HSBP1: variants seen among roughly 807,000 people sequenced by gnomAD.
HSBP1 encodes heat shock factor-binding protein 1.
A neutral mutation model predicts 9.6 loss-of-function variants in HSBP1; 5 were observed. That is an observed-to-expected ratio of 0.52 (90% CI 0.27 to 1.09). HSBP1 has a LOEUF of 1.09. Among genes scored for constraint, HSBP1 ranks in the 50% least tolerant of loss-of-function variants. HSBP1 has a pLI of 0.11. For synonymous variants in HSBP1, 42 were observed against 33.3 expected (o/e 1.26, Z -0.90); for missense variants, 121 against 96.3 (o/e 1.26, Z -1.07).
rs185466168 is a variant in HSBP1 at position 83,812,027 on chromosome 16, G to T, written c.*609G>T. 4.4e-3 allele frequency: 672 copies of T among 152,784 alleles called. 4 individuals are homozygous for T. The highest frequency in any genetic ancestry group is 7.6e-3 in the Non-Finnish European group (519 of 68,028). The allele number at this position is 152,784 out of a possible 1,614,324, so 9.5% of individuals were successfully genotyped here. A position where few individuals can be genotyped will look rare whatever the true frequency, so the allele number is the denominator to read the frequency against. ...CCTGAGATCACATGCTAAAGTCGAT[G>T]AAAAGTAACCACTGCCACTGTCTTG... On this transcript the variant is annotated 3_prime_UTR_variant, in exon 4 of 4. Coordinates refer to ENST00000433866, the MANE Select transcript of HSBP1 (RefSeq NM_001537.4).
At chr16:83,809,469 T>TC in intron 3 of HSBP1, 44 bp downstream of exon 3, 1 of 924,572 alleles carries the variant, frequency 1.1e-6, no homozygotes, top group Non-Finnish European at 1.6e-6. Context: ...TTTCTTTTTT[T>TC]TTTTTTTTTT....
At position 83,817,602 on chromosome 16, in the gene HSBP1, C is replaced by T. The variant is rs1904751203; in HGVS notation, c.*6184C>T. 6.6e-6 allele frequency: 1 copy of T among 152,222 alleles called. No individual in the cohort carries two copies. Among genetic ancestry groups the T allele is most frequent in the Admixed American group, 6.5e-5 (1 of 15,286 alleles). The allele number at this position is 152,222 out of a possible 1,614,324, so 9.4% of individuals were successfully genotyped here. The stretch of plus-strand genomic sequence containing the variant: ...TAAACCATTGCTGTAGTTTTATTAC[C>T]TCTTACCTTGGTCTTTACAAGTTGC... On this transcript the variant is annotated 3_prime_UTR_variant, in exon 4 of 4. Transcript: ENST00000433866.
At chr16:83,808,236 G>A in intron 1 of HSBP1, 115 bp downstream of exon 1, 4 of 886,892 alleles carry the variant, frequency 4.5e-6, no homozygotes, top group Non-Finnish European at 1.7e-6. Flanking sequence ...CCGAGGCCCC[G>A]TTTCTGGAAG....
intron 1 of HSBP1, 188 bp downstream of exon 1, chr16:83,808,309 C>T: frequency 1.7e-6 from 1 of 575,414 alleles, no homozygotes. Context: ...GCCAGTCTCC[C>T]CGCGGGCGCC....
At chr16:83,808,608 C>A in intron 1 of HSBP1, 72 bp from the exon 2 acceptor site, 1 of 1,247,586 alleles carries the variant, frequency 8.0e-7, no homozygotes, top group Non-Finnish European at 1.2e-6. Flanking sequence ...GGGACCAGGG[C>A]TTGCGTCCTG....
At chr16:83,808,485 GCCTC>G (rs1597254017) in intron 1 of HSBP1, 191 bp from the exon 2 acceptor site, 2 of 583,960 alleles carry the variant, frequency 3.4e-6, no homozygotes, top group Non-Finnish European at 6.1e-6. Context: ...AGTCGCAGCG[GCCTC>G]CCCAGCCCAG....
chr16:83,809,130 G>C, intron 2 of HSBP1, 175 bp from the exon 3 acceptor site: 1 of 569,766 alleles, frequency 1.8e-6, no homozygotes, highest in South Asian at 2.3e-5. Flanking sequence ...GGAATCCGAT[G>C]CGGGGTAGCC....
chr16:83,815,382 C>G lies in HSBP1; in HGVS notation c.*3964C>G, dbSNP rs1597256574. On this transcript the variant is annotated 3_prime_UTR_variant, in exon 4 of 4. Coordinates refer to ENST00000433866, the MANE Select transcript of HSBP1 (RefSeq NM_001537.4). Reference sequence around the variant, plus strand: ...AAAATTAGCCCAGAGTGTGGTGGCACACATCTGTGCTCCCAGCTACTCAGG... The same window carrying G: ...AAAATTAGCCCAGAGTGTGGTGGCAGACATCTGTGCTCCCAGCTACTCAGG... The G allele has an allele frequency of 6.6e-6, 1 of 152,040 alleles. No individual in the cohort carries two copies. Among genetic ancestry groups the G allele is most frequent in the Non-Finnish European group, 1.5e-5 (1 of 68,040 alleles). 9.4% of individuals were successfully genotyped at this position (152,040 alleles called of 1,614,324 possible).
In HSBP1 at chr16:83,809,351, G is replaced by C. The variant is rs1435096428; in HGVS notation, c.159G>C (p.Ala53=). The change falls in exon 3 of 4, where the codon GCG becomes GCC. Residue 53 remains alanine (A), a synonymous_variant. Coordinates refer to ENST00000433866, the MANE Select transcript of HSBP1 (RefSeq NM_001537.4). ...TTGATGATCTGGAAAAGAATATCGCGGACCTCATGACACAGGCTGGGGTGG... is the reference window on the plus strand; with the variant it reads ...TTGATGATCTGGAAAAGAATATCGCCGACCTCATGACACAGGCTGGGGTGG... ...SRIDDLEKNI[A]DLMTQAGVEE... The C allele has an allele frequency of 6.2e-7, 1 of 1,603,680 alleles. No individual in the cohort carries two copies. The highest frequency in any genetic ancestry group is 8.5e-7 in the Non-Finnish European group (1 of 1,175,020).
chr16:83,810,909 C>T (rs1361379683), intron 3 of HSBP1, among the ~76,000 whole-genome samples: 1 of 152,186 alleles, frequency 6.6e-6, no homozygotes, highest in Non-Finnish European at 1.5e-5. Context: ...TCTGGGCTTG[C>T]TGTGGACCAC....
Position 83,815,485 on chromosome 16 carries a change from C to A in HSBP1, c.*4067C>A, listed in dbSNP as rs1026517212. ...TGTGATCGGACGACTCCACTCCAGC[C>A]GGGGTGACAGAGCAAGACCCTGTCT... On this transcript the variant is annotated 3_prime_UTR_variant, in exon 4 of 4. Coordinates refer to ENST00000433866, the MANE Select transcript of HSBP1 (RefSeq NM_001537.4). The A allele has an allele frequency of 2.9e-5, 4 of 139,748 alleles. No individual in the cohort carries two copies. Among genetic ancestry groups the A allele is most frequent in the Admixed American group, 1.5e-4 (2 of 13,372 alleles). The allele number at this position is 139,748 out of a possible 1,614,324, so 8.7% of individuals were successfully genotyped here.
rs1904788319 is a variant in HSBP1, at chr16:83,819,303, C to G, written c.*7885C>G. 1 of 151,986 alleles carries G rather than the reference C, an allele frequency of 6.6e-6. No individual in the cohort carries two copies. Among genetic ancestry groups the G allele is most frequent in the South Asian group, 2.1e-4 (1 of 4,818 alleles). 9.4% of individuals were successfully genotyped at this position (151,986 alleles called of 1,614,324 possible). On this transcript the variant is annotated 3_prime_UTR_variant, in exon 4 of 4. Coordinates refer to ENST00000433866, the MANE Select transcript of HSBP1 (RefSeq NM_001537.4). ...ATTTATTATTTTTGTGTCTTATTTC[C>G]CATACACAAAAACACTGCGTAGAGA... is the stretch of plus-strand genomic sequence containing the variant.
In HSBP1 at chr16:83,818,324, A is replaced by G. The variant is rs573059650; in HGVS notation, c.*6906A>G. 13 of 152,288 alleles carry G rather than the reference A, an allele frequency of 8.5e-5. No homozygotes were observed. In the East Asian group the frequency reaches 2.5e-3, roughly 29 times the overall value. The allele number at this position is 152,288 out of a possible 1,614,324, so 9.4% of individuals were successfully genotyped here. ...AACTTTGTCTTCCCCATGATGAAAA[A>G]CAGACCCCATAGAAACTCTCTGGCA... On this transcript the variant is annotated 3_prime_UTR_variant, in exon 4 of 4. Transcript: ENST00000433866.
Position 83,813,519 on chromosome 16 carries a change from G to C in HSBP1, c.*2101G>C, listed in dbSNP as rs1904649531. 6.6e-6 allele frequency: 1 copy of C among 152,488 alleles called. No individual in the cohort carries two copies. Among genetic ancestry groups the C allele is most frequent in the African/African-American group, 2.4e-5 (1 of 41,436 alleles). 9.4% of individuals were successfully genotyped at this position (152,488 alleles called of 1,614,324 possible). Reference sequence around the variant, plus strand: ...GTTCGTGCCACCGCACCTGGGTCTTGCTGTGTTGCCCAGGCTGGTCTAGAA... The same window carrying C: ...GTTCGTGCCACCGCACCTGGGTCTTCCTGTGTTGCCCAGGCTGGTCTAGAA... On this transcript the variant is annotated 3_prime_UTR_variant, in exon 4 of 4. Transcript: ENST00000433866.
chr16:83,808,258 G>A, intron 1 of HSBP1, 137 bp downstream of exon 1: 2 of 763,704 alleles, frequency 2.6e-6, no homozygotes, highest in Admixed American at 3.6e-5. Flanking sequence ...GTCTCTGGCC[G>A]AGGCTCCCGG....
In HSBP1 at chr16:83,816,832, G is replaced by C. The variant is rs377054508; in HGVS notation, c.*5414G>C. On this transcript the variant is annotated 3_prime_UTR_variant, in exon 4 of 4. Transcript: ENST00000433866. ...TGTAACGGTTCTGCTGATAGTTTCC[G>C]GACCCTCAGAGGTGGAGACATAAGA... The C allele has an allele frequency of 2.6e-5, 4 of 152,168 alleles. No homozygotes were observed. The highest frequency in any genetic ancestry group is 9.7e-5 in the African/African-American group (4 of 41,438). The allele number at this position is 152,168 out of a possible 1,614,324, so 9.4% of individuals were successfully genotyped here.
intron 2 of HSBP1, 148 bp downstream of exon 2, chr16:83,808,894 A>G (rs1904528940): frequency 1.5e-6 from 1 of 660,132 alleles, no homozygotes; most frequent in South Asian, 1.9e-5. Flanking sequence ...TCTGAGAAGG[A>G]CTGCGCCGAG....
rs1409711066 is a variant in HSBP1 at position 83,818,892 on chromosome 16, A to G, written c.*7474A>G. 2 of 152,194 alleles carry G rather than the reference A, an allele frequency of 1.3e-5. No homozygotes were observed. The highest frequency in any genetic ancestry group is 4.8e-5 in the African/African-American group (2 of 41,436). 9.4% of individuals were successfully genotyped at this position (152,194 alleles called of 1,614,324 possible). A position where few individuals can be genotyped will look rare whatever the true frequency, so the allele number is the denominator to read the frequency against. The stretch of plus-strand genomic sequence containing the variant: ...ATTTTCTTCCTTGGAGACATTTCCC[A>G]TAGGGCAGTGGTTCTTAAAATACGT... On this transcript the variant is annotated 3_prime_UTR_variant, in exon 4 of 4. Transcript: ENST00000433866.
Position 83,818,755 on chromosome 16 carries a change from C to G in HSBP1, c.*7337C>G, listed in dbSNP as rs1904775511. 1 of 152,212 alleles carries G rather than the reference C, an allele frequency of 6.6e-6. No homozygotes were observed. The highest frequency in any genetic ancestry group is 1.5e-5 in the Non-Finnish European group (1 of 68,048). 9.4% of individuals were successfully genotyped at this position (152,212 alleles called of 1,614,324 possible). A position where few individuals can be genotyped will look rare whatever the true frequency, so the allele number is the denominator to read the frequency against. On this transcript the variant is annotated 3_prime_UTR_variant, in exon 4 of 4. Transcript: ENST00000433866. ...GGCACCTAAGTCACTGAAGTTCTGGCAGAATTCATTCTCCTGCTCTCTACT... is the reference window on the plus strand; with the variant it reads ...GGCACCTAAGTCACTGAAGTTCTGGGAGAATTCATTCTCCTGCTCTCTACT...
Sources: allele counts gnomAD v4.1 joint callset (sites outside exome capture counted in the v4.1 genomes callset), GRCh38; gene constraint gnomAD v4.1.1; transcripts MANE v1.5; gene names NCBI Gene and HGNC (gene_info 2026-07-23, HGNC 2026-07-21).